The following ATP10D variants were observed in gnomAD, a reference collection of about 807,000 sequenced individuals.
ATP10D encodes phospholipid-transporting ATPase VD.
ATP10D carries 89 observed loss-of-function variants against 144.8 expected under a neutral mutation model. The ratio of observed to expected loss-of-function variants is 0.61; its 90% CI spans 0.52 to 0.73. ATP10D has a LOEUF of 0.73. Among genes scored for constraint, ATP10D ranks in the 30% least tolerant of loss-of-function variants. The pLI, the probability that ATP10D is intolerant of heterozygous loss-of-function variation, is 0.00. For missense variants in ATP10D, 1,603 were observed against 1,714.8 expected (o/e 0.93, Z 1.15); for synonymous variants, 571 against 615.1 (o/e 0.93, Z 1.06).
chr4:47,556,934 T>TGG (rs1719019329), intron 11 of ATP10D: 1 of 152,190 alleles, frequency 6.6e-6, no homozygotes, highest in Non-Finnish European at 1.5e-5. Flanking sequence ...TATTGATAAC[T>TGG]CTTCTTGATG....
chr4:47,551,252 A>G (rs999053732), intron 10 of ATP10D, among the ~76,000 whole-genome samples: 1 of 152,204 alleles, frequency 6.6e-6, no homozygotes, highest in Non-Finnish European at 1.5e-5. Context: ...CTCAGTAGGA[A>G]GGCATAATAG....
chr4:47,591,217 A>T lies in ATP10D; in HGVS notation c.4117A>T (p.Arg1373Ter). Reference protein sequence around the residue: ...YANQSAGKSGRRPMPGPSAVF... With the variant: ...YANQSAGKSG ...TAACCAATCAGCTGGCAAGTCAGGA[A>T]GAAGACCCATGCCTGGCCCTTCTGC... The change falls in exon 23 of 23, where the codon AGA becomes TGA. Residue 1373 changes from arginine to a stop codon, truncating the protein, a stop_gained. Transcript: ENST00000273859. LOFTEE classifies it low-confidence loss of function (END_TRUNC). 1 of 1,613,620 alleles carries T rather than the reference A, an allele frequency of 6.2e-7. No individual in the cohort carries two copies. Among genetic ancestry groups the T allele is most frequent in the Non-Finnish European group, 8.5e-7 (1 of 1,179,610 alleles).
At chr4:47,580,284 T>C in intron 19 of ATP10D, 114 bp from the exon 20 acceptor site, 1 of 850,258 alleles carries the variant, frequency 1.2e-6, no homozygotes, top group Admixed American at 1.9e-5. Flanking sequence ...CAAATACCAC[T>C]TGAAGAAATG....
Position 47,591,550 on chromosome 4 carries a change from G to A in ATP10D, c.*169G>A. 1.9e-6 allele frequency: 1 copy of A among 536,830 alleles called. No homozygotes were observed. The highest frequency in any genetic ancestry group is 3.2e-6 in the Non-Finnish European group (1 of 312,236). The allele number at this position is 536,830 out of a possible 1,614,324, so 33.3% of individuals were successfully genotyped here. A position where few individuals can be genotyped will look rare whatever the true frequency, so the allele number is the denominator to read the frequency against. On this transcript the variant is annotated 3_prime_UTR_variant, in exon 23 of 23. Coordinates refer to ENST00000273859, the MANE Select transcript of ATP10D (RefSeq NM_020453.4). ...ATTGTATGTTTGTATATACATTTGT[G>A]ATAGAGGGCTAGAGTTTGACCTAGA...
chr4:47,541,502 A>G (rs910430672), intron 9 of ATP10D, among the ~76,000 whole-genome samples: 2 of 152,212 alleles, frequency 1.3e-5, no homozygotes, highest in Admixed American at 6.5e-5. Context: ...AAAGGTTTAT[A>G]TATCAAGGAT....
At chr4:47,519,753 C>T (rs1265725728) in intron 3 of ATP10D, among the ~76,000 whole-genome samples, 2 of 152,200 alleles carry the variant, frequency 1.3e-5, no homozygotes, top group Non-Finnish European at 2.9e-5. Flanking sequence ...CAGTGCCCTT[C>T]CTGTTTGCCC....
chr4:47,572,830 T>G (rs1247077653), intron 17 of ATP10D, 42 bp from the exon 18 acceptor site: 2 of 1,613,650 alleles, frequency 1.2e-6, no homozygotes, highest in South Asian at 2.2e-5. Flanking sequence ...TCTAACATGT[T>G]TGATCACTCA....
intron 3 of ATP10D, among the ~76,000 whole-genome samples, chr4:47,522,700 G>T (rs1717007564): frequency 6.6e-6 from 1 of 152,120 alleles, no homozygotes; most frequent in East Asian, 1.9e-4. Context: ...CTCCCAAGTA[G>T]CTGGGATTGC....
At chr4:47,503,685 C>T (rs1715842561) in intron 1 of ATP10D, among the ~76,000 whole-genome samples, 1 of 151,966 alleles carries the variant, frequency 6.6e-6, no homozygotes, top group African/African-American at 2.4e-5. Context: ...TTGCTTGAGC[C>T]CAGAAGTTTG....
In ATP10D at chr4:47,535,595, T is replaced by A; in HGVS notation, c.863T>A (p.Val288Glu). 2.5e-6 allele frequency: 4 copies of A among 1,612,458 alleles called. No individual in the cohort carries two copies. The highest frequency in any genetic ancestry group is 3.4e-6 in the Non-Finnish European group (4 of 1,179,304). ...ACCATTAGAAACACAGAGGCTGTTG[T>A]GGGCATTGTGGTTTATGCAGGTCGG... ...GCTIRNTEAV[V>E]GIVVYAGHET... The change falls in exon 6 of 23, where the codon GTG becomes GAG. Residue 288 changes from valine (V) to glutamate (E), a missense_variant. By Grantham distance (121) the Val-to-Glu change is moderately radical. Transcript: ENST00000273859.
chr4:47,554,635 G>A, intron 10 of ATP10D, 91 bp from the exon 11 acceptor site: 1 of 1,021,468 alleles, frequency 9.8e-7, no homozygotes, highest in South Asian at 2.0e-5. Context: ...GATTCATTTA[G>A]ATCCTGGCTA....
At chr4:47,497,178 G>A (rs761135034) in intron 1 of ATP10D, among the ~76,000 whole-genome samples, 12 of 152,224 alleles carry the variant, frequency 7.9e-5, no homozygotes, top group Non-Finnish European at 1.5e-4. Context: ...CATTGTAGCC[G>A]GGCATGGTGG....
At chr4:47,548,610 C>T (rs1391263233) in intron 10 of ATP10D, among the ~76,000 whole-genome samples, 1 of 152,182 alleles carries the variant, frequency 6.6e-6, no homozygotes, top group Non-Finnish European at 1.5e-5. Context: ...ACCAGGCTGT[C>T]TTTTCATCTG....
chr4:47,533,346 C>T (rs559970973), intron 5 of ATP10D, among the ~76,000 whole-genome samples: 129 of 152,248 alleles, frequency 8.5e-4, no homozygotes, highest in African/African-American at 3.0e-3. Flanking sequence ...CTGGCTTTTA[C>T]CATCTCTTCG....
intron 16 of ATP10D, among the ~76,000 whole-genome samples, chr4:47,569,419 A>T (rs576899928): frequency 1.3e-5 from 2 of 152,142 alleles, no homozygotes; most frequent in East Asian, 3.9e-4. Flanking sequence ...CAACAAGCTT[A>T]AATCAAGTAA....
At chr4:47,514,439 G>C (rs897310051) in intron 2 of ATP10D, among the ~76,000 whole-genome samples, 2 of 152,176 alleles carry the variant, frequency 1.3e-5, no homozygotes, top group Non-Finnish European at 2.9e-5. Context: ...GAAATTTTCA[G>C]AGTAAAAAGA....
chr4:47,493,950 A>G (rs1363794476), intron 1 of ATP10D, among the ~76,000 whole-genome samples: 1 of 152,126 alleles, frequency 6.6e-6, no homozygotes, highest in Admixed American at 6.5e-5. Context: ...TAGGTATCTG[A>G]CTTAAAAGGT....
chr4:47,556,698 C>T (rs1719009075), intron 11 of ATP10D: 2 of 152,116 alleles, frequency 1.3e-5, no homozygotes, highest in African/African-American at 4.8e-5. Flanking sequence ...GAAAATCAAC[C>T]AGCATAAGAC....
intron 11 of ATP10D, among the ~76,000 whole-genome samples, chr4:47,556,380 C>T (rs1338846173): frequency 6.6e-6 from 1 of 152,138 alleles, no homozygotes; most frequent in East Asian, 1.9e-4. Context: ...TCTTTGAAAA[C>T]GTGATTATGC....
Sources: gnomAD v4.1 joint callset for allele counts (sites outside exome capture counted in the v4.1 genomes callset) on GRCh38, gnomAD v4.1.1 for gene constraint, MANE v1.5 for transcripts, NCBI Gene and HGNC (gene_info 2026-07-23, HGNC 2026-07-21) for gene names.